Variants in ME2 observed in about 807,000 individuals in gnomAD.
The protein encoded by ME2 is NAD-dependent malic enzyme, mitochondrial.
A neutral mutation model predicts 73.7 loss-of-function variants in ME2; 60 were observed. The ratio of observed to expected loss-of-function variants is 0.81; its 90% CI spans 0.66 to 1.01. ME2 has a LOEUF of 1.01. Ranked by LOEUF, ME2 falls within the 50% of genes least tolerant of loss-of-function variation. The pLI is 0.00. For synonymous variants in ME2, 199 were observed against 236.9 expected (o/e 0.84, Z 1.47); for missense variants, 594 against 705.5 (o/e 0.84, Z 1.79).
intron 1 of ME2, among the ~76,000 whole-genome samples, chr18:50,887,227 T>C (rs1219548053): frequency 1.3e-5 from 2 of 152,206 alleles, no homozygotes; most frequent in Non-Finnish European, 2.9e-5. Flanking sequence ...TCTCCCTTTC[T>C]TGCTCTAAAA....
intron 2 of ME2, among the ~76,000 whole-genome samples, chr18:50,904,429 C>G (rs1382724818): frequency 3.3e-5 from 5 of 151,992 alleles, no homozygotes; most frequent in African/African-American, 1.2e-4. Context: ...CAGGCACCCA[C>G]CACCACACCT....
In ME2 at chr18:50,924,118, T is replaced by C; in HGVS notation, c.1077T>C (p.Asp359=). ...LLVKGRKAKI[D]SYQEPFTHSA... is the part of the protein sequence containing the mutation. ...TTTAGGGACGGAAAGCAAAAATAGATAGTTATCAGGAACCATTTACTCACT... is the reference window on the plus strand; with the variant it reads ...TTTAGGGACGGAAAGCAAAAATAGACAGTTATCAGGAACCATTTACTCACT... The change falls in exon 11 of 16, where the codon GAT becomes GAC. Residue 359 remains aspartate, a synonymous_variant. Transcript: ENST00000321341. The C allele has an allele frequency of 1.2e-6, 2 of 1,611,912 alleles. No homozygotes were observed. Among genetic ancestry groups the C allele is most frequent in the South Asian group, 1.1e-5 (1 of 90,470 alleles).
At chr18:50,904,642 T>A (rs1916973322) in intron 2 of ME2, among the ~76,000 whole-genome samples, 1 of 152,092 alleles carries the variant, frequency 6.6e-6, no homozygotes, top group Non-Finnish European at 1.5e-5. Flanking sequence ...GGTCTCAAAC[T>A]CCTGACCTCA....
intron 10 of ME2, among the ~76,000 whole-genome samples, chr18:50,923,221 C>G (rs1458031771): frequency 6.6e-6 from 1 of 152,122 alleles, no homozygotes; most frequent in Non-Finnish European, 1.5e-5. Flanking sequence ...GTCTGCAATT[C>G]TGAAATCCTA....
intron 1 of ME2, among the ~76,000 whole-genome samples, chr18:50,893,264 A>T (rs75324909): frequency 0.017 from 2,547 of 152,216 alleles, 65 homozygotes; most frequent in African/African-American, 0.059. Flanking sequence ...TTTTGAACTT[A>T]AAGCATCAAG....
intron 15 of ME2, among the ~76,000 whole-genome samples, chr18:50,942,445 A>G (rs1032391068): frequency 2.6e-5 from 4 of 152,138 alleles, no homozygotes; most frequent in African/African-American, 9.6e-5. Context: ...CTTCTGGACA[A>G]GTTTTTGTAT....
Position 50,892,273 on chromosome 18 carries a change from T to C in ME2, c.-12-3536T>C, listed in dbSNP as rs1314791171. On this transcript the variant is annotated intron_variant, in intron 1 of 15. Transcript: ENST00000321341. ...TTTCTCACATGTGCTCTTTCAAATA[T>C]ATATTTAAGCTGAGTCTAAAGCTCC... 2.0e-5 allele frequency among the ~76,000 whole-genome samples: 3 copies of C among 152,208 alleles called. No individual in the cohort carries two copies. In the East Asian group the frequency reaches 5.8e-4, roughly 29 times the overall value.
intron 10 of ME2, among the ~76,000 whole-genome samples, chr18:50,923,211 G>C (rs969975203): frequency 6.6e-6 from 1 of 152,126 alleles, no homozygotes; most frequent in Non-Finnish European, 1.5e-5. Flanking sequence ...CATGGTGTCT[G>C]TCTGCAATTC....
chr18:50,919,179 C>T (rs1169086208), intron 7 of ME2, among the ~76,000 whole-genome samples: 1 of 152,160 alleles, frequency 6.6e-6, no homozygotes, highest in African/African-American at 2.4e-5. Flanking sequence ...ATTCTTCCTC[C>T]AGTTTCTCTC....
intron 1 of ME2, among the ~76,000 whole-genome samples, chr18:50,885,987 C>G (rs1916454496): frequency 6.6e-6 from 1 of 152,008 alleles, no homozygotes; most frequent in Non-Finnish European, 1.5e-5. Flanking sequence ...AAAATAAAAT[C>G]AATGGAGTTT....
At chr18:50,880,977 T>C (rs1009767718) in intron 1 of ME2, among the ~76,000 whole-genome samples, 1 of 152,350 alleles carries the variant, frequency 6.6e-6, no homozygotes, top group Middle Eastern at 3.4e-3. Context: ...GTATAATCTG[T>C]ATATTAAGTT....
At chr18:50,926,041 T>C (rs984932338) in intron 12 of ME2, 143 bp downstream of exon 12, 5 of 586,840 alleles carry the variant, frequency 8.5e-6, no homozygotes, top group Non-Finnish European at 1.5e-5. Context: ...ATATTAATTA[T>C]TGCTTATACC....
At chr18:50,930,125 TG>T (rs1917659195) in intron 12 of ME2, among the ~76,000 whole-genome samples, 1 of 152,012 alleles carries the variant, frequency 6.6e-6, no homozygotes, top group South Asian at 2.1e-4. Context: ...CCAAGCATGG[TG>T]GCGCACACCT....
chr18:50,920,642 A>G lies in ME2; in HGVS notation c.845-19A>G, dbSNP rs779738940. On this transcript the variant is annotated intron_variant, in intron 8 of 15. Coordinates refer to ENST00000321341, the MANE Select transcript of ME2 (RefSeq NM_002396.5). ...ATGTGCCCATTTTTTATTTGTAAAA[A>G]TCTTTGTTTTTCTTACAGGGACAGC... The G allele has an allele frequency of 6.3e-7, 1 of 1,585,454 alleles. No individual in the cohort carries two copies. Among genetic ancestry groups the G allele is most frequent in the South Asian group, 1.2e-5 (1 of 85,518 alleles).
chr18:50,938,327 A>T (rs1917862563), intron 13 of ME2, among the ~76,000 whole-genome samples: 1 of 152,086 alleles, frequency 6.6e-6, no homozygotes, highest in African/African-American at 2.4e-5. Context: ...CTGTTGCCAA[A>T]AAAATTTTTT....
At chr18:50,908,417 AGCAATTCAGGTTTGAATG>A (rs1917066688) in intron 3 of ME2, among the ~76,000 whole-genome samples, 1 of 152,222 alleles carries the variant, frequency 6.6e-6, no homozygotes, top group Non-Finnish European at 1.5e-5. Flanking sequence ...TTACAGTCAG[AGCAATTCAGGTTTGAATG>A]GAATATTAGA....
At chr18:50,939,011 A>G (rs1373739104) in intron 13 of ME2, 2 of 152,160 alleles carry the variant, frequency 1.3e-5, no homozygotes, top group African/African-American at 4.8e-5. Flanking sequence ...TGCTCTAACT[A>G]TATTGGGAAG....
At chr18:50,939,276 C>CCG in intron 13 of ME2, 24 of 242,282 alleles carry the variant, frequency 9.9e-5, no homozygotes, top group Admixed American at 2.1e-4. Flanking sequence ...TAGAGGTGGG[C>CCG]TGGGAACTGG....
chr18:50,923,357 G>A (rs988501713), intron 10 of ME2, among the ~76,000 whole-genome samples: 6 of 152,124 alleles, frequency 3.9e-5, no homozygotes, highest in Non-Finnish European at 8.8e-5. Context: ...TTAACCTTTT[G>A]TACTTGATGT....
Sources: allele counts gnomAD v4.1 joint callset (sites outside exome capture counted in the v4.1 genomes callset), GRCh38; gene constraint gnomAD v4.1.1; transcripts MANE v1.5; gene names NCBI Gene and HGNC (gene_info 2026-07-23, HGNC 2026-07-21).